Variants in SERPINI1 observed in about 807,000 individuals in gnomAD.
SERPINI1 encodes serpin family I member 1.
Under a neutral mutation model 41.1 loss-of-function variants are expected in SERPINI1, and 19 were observed. The observed-to-expected ratio is 0.46, with a 90% CI of 0.32 to 0.68. The LOEUF (loss-of-function observed/expected upper bound fraction) is 0.68, where lower values mean the gene tolerates loss of function less well. Ranked by LOEUF, SERPINI1 falls within the 30% of genes least tolerant of loss-of-function variation. The pLI is 0.03. For missense variants in SERPINI1, 460 were observed against 479.2 expected (o/e 0.96, Z 0.37); for synonymous variants, 138 against 156.6 (o/e 0.88, Z 0.89).
At chr3:167,788,439 A>C (rs752561440) in intron 1 of SERPINI1, among the ~76,000 whole-genome samples, 14 of 152,188 alleles carry the variant, frequency 9.2e-5, no homozygotes, top group Non-Finnish European at 2.1e-4. Flanking sequence ...TCGTAGCAAG[A>C]ATTCAGCCTC....
At chr3:167,754,275 C>A (rs1264529619) in intron 1 of SERPINI1, among the ~76,000 whole-genome samples, 1 of 152,158 alleles carries the variant, frequency 6.6e-6, no homozygotes, top group Admixed American at 6.5e-5. Context: ...ACCAATTGAA[C>A]CACACATTAC....
intron 6 of SERPINI1, among the ~76,000 whole-genome samples, chr3:167,810,864 T>G (rs1168090656): frequency 6.6e-6 from 1 of 152,172 alleles, no homozygotes; most frequent in Non-Finnish European, 1.5e-5. Flanking sequence ...CTGTCATAGT[T>G]TAAGTCCTTT....
At chr3:167,744,691 CAT>C (rs754643341) in intron 1 of SERPINI1, among the ~76,000 whole-genome samples, 17 of 124,026 alleles carry the variant, frequency 1.4e-4, no homozygotes, top group East Asian at 1.3e-3. Flanking sequence ...TATATATAAA[CAT>C]ATATAAATAT....
Position 167,805,112 on chromosome 3 carries a change from T to G in SERPINI1, c.882-2132T>G, listed in dbSNP as rs530490472. Among the ~76,000 whole-genome samples the G allele has an allele frequency of 5.9e-5, 9 of 152,262 alleles. No homozygotes were observed. The South Asian group carries it at 1.0e-3, about 18-fold the overall frequency. On this transcript the variant is annotated intron_variant, in intron 5 of 8. Transcript: ENST00000446050. Reference sequence around the variant, plus strand: ...CAATTAAAACAAAAATAAAGACCCATGATTCTTTTGTTTAAAAAAACTCTT... The same window carrying G: ...CAATTAAAACAAAAATAAAGACCCAGGATTCTTTTGTTTAAAAAAACTCTT...
chr3:167,777,205 T>A (rs147360946), intron 1 of SERPINI1, among the ~76,000 whole-genome samples: 3 of 152,162 alleles, frequency 2.0e-5, no homozygotes, highest in Non-Finnish European at 2.9e-5. Context: ...GTCCTGGTAT[T>A]TGGAGTTAAA....
chr3:167,792,178 T>C (rs556215952), intron 3 of SERPINI1, among the ~76,000 whole-genome samples: 1 of 152,226 alleles, frequency 6.6e-6, no homozygotes, highest in Non-Finnish European at 1.5e-5. Context: ...TATTGAGTGT[T>C]TACTCTGTGT....
chr3:167,756,622 T>G (rs536737559), intron 1 of SERPINI1, among the ~76,000 whole-genome samples: 3 of 152,296 alleles, frequency 2.0e-5, no homozygotes, highest in African/African-American at 7.2e-5. Flanking sequence ...AAAATTGCTT[T>G]TGTAATTAAA....
intron 1 of SERPINI1, among the ~76,000 whole-genome samples, chr3:167,753,569 G>A (rs1726109381): frequency 6.6e-6 from 1 of 152,122 alleles, no homozygotes; most frequent in Non-Finnish European, 1.5e-5. Flanking sequence ...TGAAGATTGG[G>A]GGTGGGGAGC....
intron 1 of SERPINI1, among the ~76,000 whole-genome samples, chr3:167,787,698 C>T (rs1474487813): frequency 6.6e-6 from 1 of 152,208 alleles, no homozygotes; most frequent in Admixed American, 6.5e-5. Flanking sequence ...TGAGACTTAC[C>T]TTCCTAAACA....
At chr3:167,748,763 T>G in intron 1 of SERPINI1, among the ~76,000 whole-genome samples, 1 of 143,404 alleles carries the variant, frequency 7.0e-6, no homozygotes, top group South Asian at 2.2e-4. Context: ...TGTGTGTGTG[T>G]GTGTGTGTGT....
Position 167,787,520 on chromosome 3 carries a change from C to T in SERPINI1, c.-18-1591C>T, listed in dbSNP as rs183611373. Reference sequence around the variant, plus strand: ...TGCCAAAGCAGTGGCAGCCCCCCAACGGTGGCTGAAATCAGTAGACTGGCA... The same window carrying T: ...TGCCAAAGCAGTGGCAGCCCCCCAATGGTGGCTGAAATCAGTAGACTGGCA... On this transcript the variant is annotated intron_variant, in intron 1 of 8. Coordinates refer to ENST00000446050, the MANE Select transcript of SERPINI1 (RefSeq NM_001122752.2). Among the ~76,000 whole-genome samples the T allele has an allele frequency of 2.5e-3, 384 of 152,304 alleles. 1 individual carries two copies. The highest frequency in any genetic ancestry group is 8.3e-3 in the African/African-American group (345 of 41,566).
intron 5 of SERPINI1, among the ~76,000 whole-genome samples, chr3:167,799,406 T>C (rs1388438816): frequency 6.6e-6 from 1 of 152,240 alleles, no homozygotes; most frequent in Non-Finnish European, 1.5e-5. Context: ...TATTCCATGG[T>C]ATATATGTGC....
At chr3:167,818,909 C>A (rs1440629535) in intron 6 of SERPINI1, among the ~76,000 whole-genome samples, 1 of 152,134 alleles carries the variant, frequency 6.6e-6, no homozygotes, top group South Asian at 2.1e-4. Flanking sequence ...TATGTGGTGT[C>A]TTTGAGGAGA....
rs1245102198 is a variant in SERPINI1, at chr3:167,789,389, T to C, written c.250+11T>C. The C allele has an allele frequency of 2.6e-5, 42 of 1,613,834 alleles. No homozygotes were observed. The highest frequency in any genetic ancestry group is 5.0e-5 in the Admixed American group (3 of 59,998). The stretch of plus-strand genomic sequence containing the variant: ...ACAGCCTAAAAAATGGTAAGAGTGA[T>C]CAGGTTTGATTTCTCAAGACTTTTG... On this transcript the variant is annotated intron_variant, in intron 2 of 8. Coordinates refer to ENST00000446050, the MANE Select transcript of SERPINI1 (RefSeq NM_001122752.2).
chr3:167,791,557 G>A (rs1241098735), intron 3 of SERPINI1, among the ~76,000 whole-genome samples: 1 of 152,110 alleles, frequency 6.6e-6, no homozygotes, highest in Admixed American at 6.5e-5. Flanking sequence ...ACATCAAGGG[G>A]TGATAATGCA....
At chr3:167,818,300 T>G (rs1001712812) in intron 6 of SERPINI1, among the ~76,000 whole-genome samples, 11 of 152,146 alleles carry the variant, frequency 7.2e-5, no homozygotes, top group African/African-American at 2.7e-4. Flanking sequence ...AGTGCTGGGA[T>G]TACAGGTGTG....
chr3:167,760,462 A>G (rs1469630020), intron 1 of SERPINI1, among the ~76,000 whole-genome samples: 4 of 151,736 alleles, frequency 2.6e-5, no homozygotes, highest in African/African-American at 9.7e-5. Flanking sequence ...ATAACCTCCA[A>G]TCCTCTGATA....
chr3:167,737,225 G>T (rs1403514159), intron 1 of SERPINI1, among the ~76,000 whole-genome samples: 10 of 152,138 alleles, frequency 6.6e-5, no homozygotes, highest in Admixed American at 2.0e-4. Flanking sequence ...TTTTCAGTGT[G>T]TATACTCTTC....
intron 5 of SERPINI1, among the ~76,000 whole-genome samples, chr3:167,797,449 G>A (rs1727751259): frequency 6.6e-6 from 1 of 152,038 alleles, no homozygotes; most frequent in African/African-American, 2.4e-5. Flanking sequence ...TATTGCCTAG[G>A]TTTTCTTCTA....
Sources: allele counts gnomAD v4.1 joint callset (sites outside exome capture counted in the v4.1 genomes callset), GRCh38; gene constraint gnomAD v4.1.1; transcripts MANE v1.5; gene names NCBI Gene and HGNC (gene_info 2026-07-23, HGNC 2026-07-21).